RYR1: variants seen among roughly 807,000 people sequenced by gnomAD.
RYR1 encodes the protein central core disease of muscle.
In RYR1, 342 loss-of-function variants were observed where a neutral mutation model predicts 583.5. The ratio of observed to expected loss-of-function variants is 0.59; its 90% confidence interval spans 0.54 to 0.64. RYR1 has a LOEUF of 0.64. Among genes scored for constraint, RYR1 ranks in the 30% least tolerant of loss-of-function variants. RYR1 has a pLI of 0.00. For missense variants in RYR1, 6,032 were observed against 6,917.2 expected (o/e 0.87, Z 4.54); for synonymous variants, 2,791 against 2,822.5 (o/e 0.99, Z 0.35).
At chr19:38,434,954 A>G (rs1972360846) in intron 1 of RYR1, among the ~76,000 whole-genome samples, 1 of 152,090 alleles carries the variant, frequency 6.6e-6, no homozygotes, top group African/African-American at 2.4e-5. Context: ...TGGGGCTGGT[A>G]GTGAAGGATG....
chr19:38,530,430 AT>A (rs142263877), intron 76 of RYR1, among the ~76,000 whole-genome samples: 22,865 of 128,476 alleles, frequency 0.18, 1,824 homozygotes, highest in South Asian at 0.3. Flanking sequence ...ATGCCTGGCT[AT>A]TTTTTTTTTT....
chr19:38,476,846 A>G (rs1461433253), intron 29 of RYR1, among the ~76,000 whole-genome samples: 1 of 152,092 alleles, frequency 6.6e-6, no homozygotes, highest in East Asian at 1.9e-4. Context: ...CCTACCTGAT[A>G]TGGAGGATGA....
At chr19:38,493,516 G>GTT (rs58975597) in intron 38 of RYR1, among the ~76,000 whole-genome samples, 72 of 115,706 alleles carry the variant, frequency 6.2e-4, no homozygotes, top group Non-Finnish European at 7.8e-4. Context: ...TTTCTTTTTC[G>GTT]TTTTTTTTTT....
intron 102 of RYR1, among the ~76,000 whole-genome samples, chr19:38,585,392 A>ATG (rs1568612340): frequency 6.9e-6 from 1 of 145,472 alleles, no homozygotes; most frequent in African/African-American, 2.5e-5. Flanking sequence ...ATATATGTTT[A>ATG]TTTATATATA....
rs111652538 is a variant in RYR1 at position 38,528,256 on chromosome 19, TGA to T, written c.10825-46_10825-45del. The T allele has an allele frequency of 5.3e-5, 80 of 1,497,882 alleles. 1 individual carries two copies. Among genetic ancestry groups the T allele is most frequent in the Admixed American group, 1.5e-4 (9 of 59,526 alleles). 92.8% of individuals were successfully genotyped at this position (1,497,882 alleles called of 1,614,324 possible). The stretch of plus-strand genomic sequence containing the variant: ...GGGCAGTTTCATCCAGGGCTGGGAG[TGA>T]GAGGGGCAGGGTCTGGGGATGTGAC... On this transcript the variant is annotated intron_variant, in intron 73 of 105. Coordinates refer to ENST00000359596, the MANE Select transcript of RYR1 (RefSeq NM_000540.3).
Position 38,543,975 on chromosome 19 carries a change from C to T in RYR1, c.12012+100C>T. Reference sequence around the variant, plus strand: ...TTGGTCAGTTTGTCACCCGAGTGCTCCCGGCATGTTCCAGACTGGTTCCCT... The same window carrying T: ...TTGGTCAGTTTGTCACCCGAGTGCTTCCGGCATGTTCCAGACTGGTTCCCT... On this transcript the variant is annotated intron_variant, in intron 87 of 105. Transcript: ENST00000359596. The surrounding 1 kb of genome is among the most constrained non-coding windows in gnomAD (Gnocchi z 4.4). The T allele has an allele frequency of 2.5e-6, 3 of 1,180,296 alleles. No individual in the cohort carries two copies. Among genetic ancestry groups the T allele is most frequent in the Non-Finnish European group, 3.7e-6 (3 of 818,616 alleles). The allele number at this position is 1,180,296 out of a possible 1,614,324, so 73.1% of individuals were successfully genotyped here.
chr19:38,442,454 G>T lies in RYR1; in HGVS notation c.270+1G>T. On this transcript the variant is annotated splice_donor_variant, in intron 3 of 105. Coordinates refer to ENST00000359596, the MANE Select transcript of RYR1 (RefSeq NM_000540.3). LOFTEE classifies it high-confidence loss of function. ...TAACACGGTGGAGGCTGGCGTGGAG[G>T]TGAGGACCCCACCTGGGGGTGGGCG... The T allele has an allele frequency of 6.2e-7, 1 of 1,611,762 alleles. No homozygotes were observed. Among genetic ancestry groups the T allele is most frequent in the Non-Finnish European group, 8.5e-7 (1 of 1,178,098 alleles).
intron 104 of RYR1, 34 bp downstream of exon 104, chr19:38,586,225 G>T: frequency 6.3e-7 from 1 of 1,592,638 alleles, no homozygotes; most frequent in Non-Finnish European, 8.6e-7. Flanking sequence ...AGGAGGGTGG[G>T]GGGCATGGCT....
intron 19 of RYR1, 152 bp downstream of exon 19, chr19:38,459,490 C>T: frequency 1.4e-6 from 1 of 728,386 alleles, no homozygotes; most frequent in East Asian, 2.7e-5. Context: ...TTGAAGATCC[C>T]AGGGACCTCC....
At chr19:38,490,905 G>A (rs1357486472) in intron 37 of RYR1, among the ~76,000 whole-genome samples, 173 bp downstream of exon 37, 6 of 152,230 alleles carry the variant, frequency 3.9e-5, no homozygotes, top group Non-Finnish European at 8.8e-5. Context: ...TAGACAATGC[G>A]TGTTTATATG....
chr19:38,514,282 ATT>A (rs56826915), intron 63 of RYR1, among the ~76,000 whole-genome samples: 16 of 139,046 alleles, frequency 1.2e-4, no homozygotes, highest in Non-Finnish European at 1.5e-4. Flanking sequence ...TTTTTTTTTA[ATT>A]TTTTTTTTTT....
chr19:38,435,224 C>T (rs1230035949), intron 1 of RYR1, among the ~76,000 whole-genome samples: 2 of 152,166 alleles, frequency 1.3e-5, no homozygotes, highest in African/African-American at 2.4e-5. Flanking sequence ...AACCAAGGCC[C>T]GAATGGTAGA....
intron 90 of RYR1, among the ~76,000 whole-genome samples, chr19:38,564,273 C>T (rs1973284679): frequency 6.6e-6 from 1 of 152,150 alleles, no homozygotes; most frequent in Admixed American, 6.5e-5. Context: ...CCTGTAATCC[C>T]AGCACTTTGG....
At chr19:38,467,118 A>C (rs1436644073) in intron 24 of RYR1, among the ~76,000 whole-genome samples, 2 of 151,984 alleles carry the variant, frequency 1.3e-5, no homozygotes, top group African/African-American at 4.8e-5. Flanking sequence ...CCCTACCCCT[A>C]ACCTGACTCC....
chr19:38,502,816 C>CAGGGGGAGGGGGAGGGGGAGGGGG lies in RYR1; in HGVS notation c.7836-59_7836-58insGAGGGGGAGGGGGAGGGGGAGGGG. 4.6e-6 allele frequency: 6 copies of CAGGGGGAGGGGGAGGGGGAGGGGG among 1,309,932 alleles called. No homozygotes were observed. The East Asian group carries it at 1.1e-4, about 24-fold the overall frequency. The allele number at this position is 1,309,932 out of a possible 1,614,324, so 81.1% of individuals were successfully genotyped here. The stretch of plus-strand genomic sequence containing the variant: ...GCAGGGGCAGGGGCAGGGGGAGGAG[C>CAGGGGGAGGGGGAGGGGGAGGGGG]AGGGGCAGGGGCAGCAGAGCGGGCC... On this transcript the variant is annotated intron_variant, in intron 48 of 105. Transcript: ENST00000359596.
At chr19:38,562,808 C>CT (rs943219112) in intron 90 of RYR1, among the ~76,000 whole-genome samples, 1 of 152,230 alleles carries the variant, frequency 6.6e-6, no homozygotes. Context: ...TGGTTGCACA[C>CT]TTTTGGCATC....
At position 38,586,391 on chromosome 19, in the gene RYR1, G is replaced by A. The variant is rs915271522; in HGVS notation, c.14970-134G>A. The A allele has an allele frequency of 2.7e-6, 3 of 1,109,260 alleles. No homozygotes were observed. In the East Asian group the frequency reaches 7.2e-5, roughly 26 times the overall value. 68.7% of individuals were successfully genotyped at this position (1,109,260 alleles called of 1,614,324 possible). On this transcript the variant is annotated intron_variant, in intron 104 of 105. Coordinates refer to ENST00000359596, the MANE Select transcript of RYR1 (RefSeq NM_000540.3). ...AGCCCAGCACTTTGGGAGGCCAAGTGGGGAGGATTACTTGAGGCCAGGAGT... is the reference window on the plus strand; with the variant it reads ...AGCCCAGCACTTTGGGAGGCCAAGTAGGGAGGATTACTTGAGGCCAGGAGT...
intron 84 of RYR1, 94 bp downstream of exon 84, chr19:38,538,054 C>T (rs112783810): frequency 2.0e-5 from 23 of 1,160,834 alleles, no homozygotes; most frequent in East Asian, 9.6e-5. Flanking sequence ...CCTCCTCCCC[C>T]GGTCAATGAT....
intron 63 of RYR1, among the ~76,000 whole-genome samples, chr19:38,513,460 A>T (rs1253670081): frequency 6.6e-6 from 1 of 152,238 alleles, no homozygotes; most frequent in Non-Finnish European, 1.5e-5. Context: ...AACCTGGGCA[A>T]CATAGCAAAA....
Sources: gnomAD v4.1 joint callset for allele counts (sites outside exome capture counted in the v4.1 genomes callset) on GRCh38, gnomAD v4.1.1 for gene constraint, Gnocchi (gnomAD v3.1) non-coding constraint, MANE v1.5 for transcripts, NCBI Gene and HGNC (gene_info 2026-07-23, HGNC 2026-07-21) for gene names.